The following MYO5B variants were observed in gnomAD, a reference collection of about 807,000 sequenced individuals.
The protein encoded by MYO5B is unconventional myosin-Vb.
MYO5B carries 143 observed loss-of-function variants against 229.3 expected under a neutral mutation model. The ratio of observed to expected loss-of-function variants is 0.62; its 90% CI spans 0.54 to 0.72. The LOEUF is 0.72. Ranked by LOEUF, MYO5B falls within the 30% of genes least tolerant of loss-of-function variation. The pLI is 0.00. For missense variants in MYO5B, 2,321 were observed against 2,331.0 expected (o/e 1.00, Z 0.09); for synonymous variants, 918 against 885.2 (o/e 1.04, Z -0.66).
chr18:49,986,721 T>C (rs1191751814), intron 7 of MYO5B, among the ~76,000 whole-genome samples: 2 of 152,338 alleles, frequency 1.3e-5, no homozygotes, highest in South Asian at 2.1e-4. Context: ...CCAATTTTTT[T>C]CCCTTTACAC....
At chr18:49,920,515 C>A (rs11876190) in intron 17 of MYO5B, among the ~76,000 whole-genome samples, 1 of 152,106 alleles carries the variant, frequency 6.6e-6, no homozygotes, top group Non-Finnish European at 1.5e-5. Context: ...CCTAGGGGAA[C>A]ACAGACTCAG....
intron 12 of MYO5B, among the ~76,000 whole-genome samples, chr18:49,961,066 T>G (rs892382856): frequency 1.3e-5 from 2 of 152,170 alleles, no homozygotes; most frequent in Non-Finnish European, 2.9e-5. Context: ...AAAAGGAGCA[T>G]GACCTTGGCT....
intron 1 of MYO5B, among the ~76,000 whole-genome samples, chr18:50,065,419 G>T (rs781571965): frequency 1.5e-4 from 23 of 152,240 alleles, no homozygotes; most frequent in Non-Finnish European, 2.9e-4. Context: ...GGAGGCTTCA[G>T]GAAACTTACA....
chr18:49,916,048 C>T (rs962561278), intron 17 of MYO5B, among the ~76,000 whole-genome samples: 4 of 152,208 alleles, frequency 2.6e-5, no homozygotes, highest in African/African-American at 9.7e-5. Context: ...GGTGCGGGCT[C>T]CCCCTTTAAA....
intron 27 of MYO5B, among the ~76,000 whole-genome samples, chr18:49,870,863 G>A (rs1213285580): frequency 6.6e-6 from 1 of 152,200 alleles, no homozygotes. Flanking sequence ...AAATGGTGCA[G>A]CTGCTATGGA....
At chr18:49,841,292 G>T (rs1022849772) in intron 35 of MYO5B, 73 bp downstream of exon 35, 3 of 1,393,416 alleles carry the variant, frequency 2.2e-6, no homozygotes, top group Non-Finnish European at 3.1e-6. Flanking sequence ...GACCTCTGAG[G>T]GTATACAAAG....
intron 2 of MYO5B, 122 bp from the exon 3 acceptor site, chr18:50,040,436 T>C (rs1042332469): frequency 1.9e-6 from 2 of 1,067,520 alleles, no homozygotes; most frequent in African/African-American, 3.1e-5. Flanking sequence ...GAAGATAATG[T>C]TTTAAAGAAA....
Position 50,040,212 on chromosome 18 carries a change from G to A in MYO5B, c.241C>T (p.His81Tyr), listed in dbSNP as rs767154177. Residue 81 changes from histidine to tyrosine, a missense_variant, in exon 3 of 40, where the codon CAT becomes TAT. By Grantham distance (83) the His-to-Tyr change is moderately conservative. This residue lies in a region of MYO5B where 2,113 missense variants were observed against 2,044.7 expected (regional missense o/e 1.03). Transcript: ENST00000285039. Reference sequence around the variant, plus strand: ...AAATTATGCAAAACTGCAGGCTCATGAAGATAGCTAAGGGCAGTCAGGTCA... The same window carrying A: ...AAATTATGCAAAACTGCAGGCTCATAAAGATAGCTAAGGGCAGTCAGGTCA... ...ENDLTALSYLHEPAVLHNLKV... is the reference protein window; with the variant it reads ...ENDLTALSYLYEPAVLHNLKV... 16 of 1,614,020 alleles carry A rather than the reference G, an allele frequency of 9.9e-6. No homozygotes were observed. Among genetic ancestry groups the A allele is most frequent in the Non-Finnish European group, 1.4e-5 (16 of 1,180,016 alleles).
intron 22 of MYO5B, among the ~76,000 whole-genome samples, chr18:49,881,259 A>G (rs556924527): frequency 2.4e-4 from 36 of 152,280 alleles, no homozygotes; most frequent in Middle Eastern, 3.4e-3. Context: ...AGGAAGGCCA[A>G]AATCTCACAA....
At position 49,864,144 on chromosome 18, in the gene MYO5B, G is replaced by T. The variant is rs374627117; in HGVS notation, c.3840C>A (p.Asn1280Lys). 4 of 1,608,408 alleles carry T rather than the reference G, an allele frequency of 2.5e-6. No homozygotes were observed. Among genetic ancestry groups the T allele is most frequent in the East Asian group, 2.2e-5 (1 of 44,864 alleles). Residue 1280 changes from asparagine to lysine, a missense_variant, in exon 28 of 40, where the codon AAC becomes AAA. By Grantham distance (94) the Asn-to-Lys change is moderately conservative. Transcript: ENST00000285039. ...CCGCGGGCCGCCATCTTGTTACCGCGTTCCTGCCGGCGAGTCGCCGCTGGT... is the reference window on the plus strand; with the variant it reads ...CCGCGGGCCGCCATCTTGTTACCGCTTTCCTGCCGGCGAGTCGCCGCTGGT... ...SADQRRLAGRNAEPNINARSS... is the reference protein window; with the variant it reads ...SADQRRLAGRKAEPNINARSS...
intron 1 of MYO5B, chr18:50,099,081 T>A (rs906127166): frequency 6.6e-6 from 1 of 152,500 alleles, no homozygotes; most frequent in African/African-American, 2.4e-5. Flanking sequence ...CAAGTTGCCT[T>A]TTTTTCTTTC....
intron 33 of MYO5B, among the ~76,000 whole-genome samples, chr18:49,845,307 T>C (rs1269196829): frequency 1.3e-5 from 2 of 152,140 alleles, no homozygotes; most frequent in Non-Finnish European, 2.9e-5. Context: ...AAGAGCAAAA[T>C]ACATCTAAGA....
intron 1 of MYO5B, among the ~76,000 whole-genome samples, chr18:50,191,944 T>C (rs533381040): frequency 6.6e-6 from 1 of 152,104 alleles, no homozygotes; most frequent in Non-Finnish European, 1.5e-5. Context: ...GAGAGAAGAA[T>C]TGTGAAATCA....
At chr18:50,072,047 G>T (rs962688383) in intron 1 of MYO5B, among the ~76,000 whole-genome samples, 3 of 152,168 alleles carry the variant, frequency 2.0e-5, no homozygotes, top group Non-Finnish European at 4.4e-5. Context: ...AGTCATCAAG[G>T]TCTCCTTGGT....
chr18:49,948,109 T>C (rs951954311), intron 14 of MYO5B, among the ~76,000 whole-genome samples: 50 of 152,364 alleles, frequency 3.3e-4, no homozygotes, highest in Middle Eastern at 3.4e-3. Flanking sequence ...GCTGTTACCT[T>C]GGAAATCACA....
chr18:49,971,601 T>C (rs1333503420), intron 10 of MYO5B, among the ~76,000 whole-genome samples: 1 of 152,252 alleles, frequency 6.6e-6, no homozygotes, highest in Non-Finnish European at 1.5e-5. Flanking sequence ...GTTCATTACA[T>C]ACCCTCTCAC....
intron 7 of MYO5B, among the ~76,000 whole-genome samples, chr18:49,987,884 T>G (rs995829445): frequency 9.2e-5 from 14 of 152,310 alleles, no homozygotes; most frequent in Non-Finnish European, 1.8e-4. Context: ...AGAGTGCAGC[T>G]ACTTCACAAA....
rs2026045392 is a variant in MYO5B, at chr18:50,001,370, C to G, written c.497G>C (p.Gly166Ala). The part of the protein sequence containing the change: ...NQSIIVSGES[G>A]AGKTVSAKYA... ...CTTGGCTGATACCGTCTTCCCGGCT[C>G]CAGACTCCCCACTGACTATGATGGA... Residue 166 changes from glycine to alanine, a missense_variant, in exon 5 of 40, where the codon GGA becomes GCA. Physicochemically the swap from Gly to Ala is moderately conservative, Grantham distance 60. Around this residue, in one of 2 missense-constraint regions of MYO5B, gnomAD observed 2,113 missense variants for 2,044.7 expected, o/e 1.03. Coordinates refer to ENST00000285039, the MANE Select transcript of MYO5B (RefSeq NM_001080467.3). 1.9e-6 allele frequency: 3 copies of G among 1,614,190 alleles called. No homozygotes were observed. The East Asian group carries it at 6.7e-5, about 36-fold the overall frequency.
intron 22 of MYO5B, among the ~76,000 whole-genome samples, chr18:49,886,481 A>G (rs2024643166): frequency 6.6e-6 from 1 of 152,130 alleles, no homozygotes; most frequent in South Asian, 2.1e-4. Flanking sequence ...TCACCCCACA[A>G]GTAAATGATA....
Sources: gnomAD v4.1 joint callset for allele counts (sites outside exome capture counted in the v4.1 genomes callset) on GRCh38, gnomAD v4.1.1 for gene constraint, gnomAD v4.1.1 regional missense constraint, MANE v1.5 for transcripts, NCBI Gene and HGNC (gene_info 2026-07-23, HGNC 2026-07-21) for gene names.